MYO9A: variants seen among roughly 807,000 people sequenced by gnomAD.
MYO9A encodes the protein unconventional myosin-IXa.
In MYO9A, 103 loss-of-function variants were observed where a neutral mutation model predicts 293.3. That is an observed-to-expected ratio of 0.35 (90% confidence interval 0.30 to 0.41). The LOEUF (loss-of-function observed/expected upper bound fraction) is 0.41. Ranked by LOEUF, MYO9A falls within the 10% of genes least tolerant of loss-of-function variation. The pLI, the probability that MYO9A is intolerant of heterozygous loss-of-function variation, is 1.00. For missense variants in MYO9A, 2,685 were observed against 3,033.0 expected (o/e 0.89, Z 2.69); for synonymous variants, 1,001 against 1,035.7 (o/e 0.97, Z 0.64).
At chr15:72,050,463 C>T (rs1354078025) in intron 1 of MYO9A, among the ~76,000 whole-genome samples, 1 of 152,020 alleles carries the variant, frequency 6.6e-6, no homozygotes, top group South Asian at 2.1e-4. Context: ...AAAAATTAGC[C>T]AGGCATGGTG....
chr15:71,917,299 G>A (rs2058035424), intron 18 of MYO9A, among the ~76,000 whole-genome samples: 1 of 152,192 alleles, frequency 6.6e-6, no homozygotes, highest in South Asian at 2.1e-4. Flanking sequence ...CACTTTGGGA[G>A]ACTGAGGTGG....
chr15:71,827,151 T>A, intron 41 of MYO9A, 108 bp from the exon 42 acceptor site: 2 of 833,878 alleles, frequency 2.4e-6, no homozygotes, highest in Non-Finnish European at 3.7e-6. Context: ...TGGGATAAGA[T>A]TCAGAGGGTC....
chr15:71,978,436 AG>A, intron 11 of MYO9A, 144 bp from the exon 12 acceptor site: 1 of 678,668 alleles, frequency 1.5e-6, no homozygotes, highest in Non-Finnish European at 2.2e-6. Flanking sequence ...GTATAATTTC[AG>A]TTGTACAAAT....
At chr15:72,000,211 T>G (rs1017863318) in intron 8 of MYO9A, among the ~76,000 whole-genome samples, 1 of 152,152 alleles carries the variant, frequency 6.6e-6, no homozygotes, top group Non-Finnish European at 1.5e-5. Context: ...AAATATAGAA[T>G]AGTATAAAAA....
At position 71,826,532 on chromosome 15, in the gene MYO9A, A is replaced by G; in HGVS notation, c.*48T>C. The stretch of plus-strand genomic sequence containing the variant: ...GTGATGAAACGCAGCCCCAAAGGTG[A>G]GATTTGTTTACCACTCTGTAGCCAC... On this transcript the variant is annotated 3_prime_UTR_variant, in exon 42 of 42. Coordinates refer to ENST00000356056, the MANE Select transcript of MYO9A (RefSeq NM_006901.4). The G allele has an allele frequency of 6.6e-7, 1 of 1,507,284 alleles. No homozygotes were observed. Among genetic ancestry groups the G allele is most frequent in the South Asian group, 1.3e-5 (1 of 74,960 alleles). The allele number at this position is 1,507,284 out of a possible 1,614,324, so 93.4% of individuals were successfully genotyped here.
At chr15:72,020,313 T>C (rs1051881918) in intron 5 of MYO9A, among the ~76,000 whole-genome samples, 1 of 152,190 alleles carries the variant, frequency 6.6e-6, no homozygotes, top group Non-Finnish European at 1.5e-5. Flanking sequence ...GTAAAGTCAA[T>C]GTAATGAAAA....
intron 12 of MYO9A, among the ~76,000 whole-genome samples, chr15:71,975,265 G>A (rs2076108318): frequency 6.6e-6 from 1 of 151,706 alleles, no homozygotes; most frequent in Admixed American, 6.6e-5. Flanking sequence ...AAGGATCCAT[G>A]TTTGAAAGCC....
intron 1 of MYO9A, among the ~76,000 whole-genome samples, chr15:72,100,799 C>A (rs941038004): frequency 1.3e-5 from 2 of 150,724 alleles, no homozygotes; most frequent in Non-Finnish European, 3.0e-5. Context: ...AGCCTCTCCG[C>A]CCGGCAGCCA....
Position 72,095,359 on chromosome 15 carries a change from A to C in MYO9A, c.-72+22321T>G, listed in dbSNP as rs144077948. On this transcript the variant is annotated intron_variant, in intron 1 of 41. Coordinates refer to ENST00000356056, the MANE Select transcript of MYO9A (RefSeq NM_006901.4). ...ACAACATTCCCTTATGCCAAAGCCT[A>C]ATCTGGAGCAAGTCTCTACCTCTCT... 1.6e-4 allele frequency among the ~76,000 whole-genome samples: 15 copies of C among 93,112 alleles called. 4 individuals are homozygous for C. The highest frequency in any genetic ancestry group is 1.5e-3 in the Admixed American group (13 of 8,584). The allele number at this position is 93,112 out of a possible 152,430, so 61.1% of individuals were successfully genotyped here. A position where few individuals can be genotyped will look rare whatever the true frequency, so the allele number is the denominator to read the frequency against.
At chr15:72,024,927 A>T (rs1033650250) in intron 4 of MYO9A, among the ~76,000 whole-genome samples, 1 of 152,186 alleles carries the variant, frequency 6.6e-6, no homozygotes, top group African/African-American at 2.4e-5. Flanking sequence ...ACAAAAAAAA[A>T]TCGTAACACA....
At chr15:72,066,535 C>G (rs1596497377) in intron 1 of MYO9A, among the ~76,000 whole-genome samples, 1 of 149,080 alleles carries the variant, frequency 6.7e-6, no homozygotes, top group East Asian at 2.0e-4. Flanking sequence ...TAAAAGAGTA[C>G]AAACTAAATT....
At chr15:71,947,039 C>A (rs1240948504) in intron 15 of MYO9A, among the ~76,000 whole-genome samples, 3 of 152,126 alleles carry the variant, frequency 2.0e-5, no homozygotes, top group Non-Finnish European at 2.9e-5. Context: ...ATCACTTGAG[C>A]CAAGGAGGTC....
At chr15:71,924,656 C>T (rs2058244048) in intron 18 of MYO9A, among the ~76,000 whole-genome samples, 1 of 152,030 alleles carries the variant, frequency 6.6e-6, no homozygotes, top group African/African-American at 2.4e-5. Flanking sequence ...CGTGGTGGCT[C>T]ACGCCTGTAA....
intron 19 of MYO9A, among the ~76,000 whole-genome samples, chr15:71,910,182 A>ATATATATACGTGTATATATATATATATAT (rs1567260909): frequency 6.9e-6 from 1 of 145,738 alleles, no homozygotes; most frequent in African/African-American, 2.5e-5. Flanking sequence ...ATATATATAT[A>ATATATATACGTGTATATATATATATATAT]AAATCAGAAA....
intron 11 of MYO9A, among the ~76,000 whole-genome samples, chr15:71,990,741 A>G (rs1217980263): frequency 7.1e-6 from 1 of 140,430 alleles, no homozygotes; most frequent in African/African-American, 2.7e-5. Context: ...TGGGCGACAG[A>G]GCGAGACTCA....
At chr15:71,873,148 C>G (rs2056573546) in intron 32 of MYO9A, among the ~76,000 whole-genome samples, 1 of 151,932 alleles carries the variant, frequency 6.6e-6, no homozygotes. Context: ...AACTCCCGAC[C>G]TCAGGTGATC....
chr15:71,871,200 C>T (rs2056500913), intron 32 of MYO9A, among the ~76,000 whole-genome samples: 1 of 151,810 alleles, frequency 6.6e-6, no homozygotes, highest in Admixed American at 6.6e-5. Flanking sequence ...TGCTAAGACC[C>T]CATCTCTACA....
chr15:71,890,897 TA>T (rs1336055266), intron 26 of MYO9A: 1 of 152,088 alleles, frequency 6.6e-6, no homozygotes, highest in Admixed American at 6.6e-5. Context: ...AAACTCCATG[TA>T]CCTAGAAAAT....
At chr15:71,864,494 A>C (rs2056256766) in intron 32 of MYO9A, among the ~76,000 whole-genome samples, 1 of 152,238 alleles carries the variant, frequency 6.6e-6, no homozygotes, top group Non-Finnish European at 1.5e-5. Flanking sequence ...TACACAAGAT[A>C]ACTGAAAATG....
Sources: allele counts gnomAD v4.1 joint callset (sites outside exome capture counted in the v4.1 genomes callset), GRCh38; gene constraint gnomAD v4.1.1; transcripts MANE v1.5; gene names NCBI Gene and HGNC (gene_info 2026-07-23, HGNC 2026-07-21).